Variants in DENND1A observed in about 807,000 individuals in gnomAD.
DENND1A encodes the protein DENN domain-containing protein 1A.
In DENND1A, 51 loss-of-function variants were observed where a neutral mutation model predicts 113.7. That is an observed-to-expected ratio of 0.45 (90% CI 0.36 to 0.57). The LOEUF (loss-of-function observed/expected upper bound fraction) is 0.57. DENND1A is among the 20% of genes least tolerant of loss of function. The pLI is 0.00. For synonymous variants in DENND1A, 565 were observed against 570.8 expected (o/e 0.99, Z 0.14); for missense variants, 1,258 against 1,395.9 (o/e 0.90, Z 1.57).
At chr9:123,741,655 T>C (rs2069034731) in intron 5 of DENND1A, among the ~76,000 whole-genome samples, 1 of 152,202 alleles carries the variant, frequency 6.6e-6, no homozygotes, top group Non-Finnish European at 1.5e-5. Flanking sequence ...GTCTCCTCAA[T>C]GAGTAAAATA....
intron 13 of DENND1A, among the ~76,000 whole-genome samples, chr9:123,523,973 C>G (rs1227709359): frequency 6.6e-6 from 1 of 152,184 alleles, no homozygotes. Flanking sequence ...AGAGCAGGCC[C>G]TTTTGTGCCT....
intron 19 of DENND1A, chr9:123,413,819 G>C: frequency 1.0e-6 from 1 of 985,244 alleles, no homozygotes. Context: ...GTGGGGGAAA[G>C]GGGAACAGCC....
chr9:123,537,660 G>C (rs181642793), intron 13 of DENND1A, among the ~76,000 whole-genome samples: 1 of 150,226 alleles, frequency 6.7e-6, no homozygotes, highest in Non-Finnish European at 1.5e-5. Flanking sequence ...AAAAACTCTT[G>C]GGCATGTAGT....
At chr9:123,903,061 G>A (rs1025062647) in intron 1 of DENND1A, among the ~76,000 whole-genome samples, 7 of 152,074 alleles carry the variant, frequency 4.6e-5, no homozygotes, top group East Asian at 1.9e-4. Context: ...GGCCGGGCGC[G>A]GTGGCTCACA....
In DENND1A at chr9:123,540,762, C is replaced by G. The variant is rs1024679021; in HGVS notation, c.993+16808G>C. Reference sequence around the variant, plus strand: ...GTACGGCAAAAATGTTTTCTGTACCCCAGGAATGCAAAGTCACCACCCTGA... The same window carrying G: ...GTACGGCAAAAATGTTTTCTGTACCGCAGGAATGCAAAGTCACCACCCTGA... On this transcript the variant is annotated intron_variant, in intron 13 of 23. Coordinates refer to ENST00000394215, the MANE Select transcript of DENND1A (RefSeq NM_001352964.2). Among the ~76,000 whole-genome samples the G allele has an allele frequency of 3.3e-5, 5 of 152,218 alleles. No homozygotes were observed. In the South Asian group the frequency reaches 1.0e-3, roughly 32 times the overall value.
chr9:123,708,380 C>T (rs1361439323), intron 5 of DENND1A, among the ~76,000 whole-genome samples: 3 of 152,042 alleles, frequency 2.0e-5, no homozygotes, highest in Non-Finnish European at 2.9e-5. Context: ...AGGAAACCTG[C>T]ATTATACCTA....
intron 9 of DENND1A, among the ~76,000 whole-genome samples, chr9:123,646,348 C>T (rs890812994): frequency 6.6e-6 from 1 of 152,044 alleles, no homozygotes; most frequent in African/African-American, 2.4e-5. Flanking sequence ...AGGTAACTCT[C>T]TTGAGGAATT....
At chr9:123,908,745 T>C (rs886092803) in intron 1 of DENND1A, among the ~76,000 whole-genome samples, 1 of 151,826 alleles carries the variant, frequency 6.6e-6, no homozygotes, top group Non-Finnish European at 1.5e-5. Flanking sequence ...TTTACACTGT[T>C]GGTGGGACTG....
chr9:123,609,623 T>C, intron 10 of DENND1A, 142 bp from the exon 11 acceptor site: 2 of 978,388 alleles, frequency 2.0e-6, no homozygotes, highest in Admixed American at 3.1e-5. Flanking sequence ...AAAATCCTAA[T>C]ATGACATTTT....
chr9:123,733,632 T>C (rs2068344302), intron 5 of DENND1A, among the ~76,000 whole-genome samples: 1 of 151,724 alleles, frequency 6.6e-6, no homozygotes. Flanking sequence ...TTTTTATTCC[T>C]GAATGTTACT....
chr9:123,792,594 C>T lies in DENND1A; in HGVS notation c.125G>A (p.Ser42Asn), dbSNP rs1408807712. 9.9e-6 allele frequency: 16 copies of T among 1,612,786 alleles called. No homozygotes were observed. Among genetic ancestry groups the T allele is most frequent in the Non-Finnish European group, 1.4e-5 (16 of 1,179,314 alleles). ...EVQRQFPEDYSDQEVLQTLTK... is the reference protein window; with the variant it reads ...EVQRQFPEDYNDQEVLQTLTK... ...TAATTACGCATTCCGAACCTGGTCA[C>T]TGTAGTCCTCCGGGAATTGCCTCTG... The change falls in exon 3 of 24, where the codon AGT (serine) becomes AAT (asparagine). Residue 42 changes from serine to asparagine, a missense_variant. Physicochemically the swap from Ser to Asn is conservative, Grantham distance 46. Coordinates refer to ENST00000394215, the MANE Select transcript of DENND1A (RefSeq NM_001352964.2).
chr9:123,568,950 A>C (rs896000324), intron 12 of DENND1A, among the ~76,000 whole-genome samples: 5 of 152,250 alleles, frequency 3.3e-5, no homozygotes, highest in Non-Finnish European at 7.3e-5. Context: ...TTGCAAAGAA[A>C]AGCATCTGCT....
At chr9:123,602,059 G>C (rs1478166989) in intron 11 of DENND1A, among the ~76,000 whole-genome samples, 1 of 152,222 alleles carries the variant, frequency 6.6e-6, no homozygotes, top group Non-Finnish European at 1.5e-5. Flanking sequence ...ACCCCTTGCA[G>C]CTGAAGGCCT....
intron 22 of DENND1A, among the ~76,000 whole-genome samples, chr9:123,386,492 GTGCCTCAGCCTCC>G (rs2042571738): frequency 6.6e-6 from 1 of 150,604 alleles, no homozygotes; most frequent in South Asian, 2.1e-4. Context: ...AGTGATTCTC[GTGCCTCAGCCTCC>G]TGAGTAGCTG....
intron 5 of DENND1A, among the ~76,000 whole-genome samples, chr9:123,734,374 G>A (rs1173750124): frequency 1.3e-5 from 2 of 151,944 alleles, no homozygotes; most frequent in African/African-American, 4.8e-5. Flanking sequence ...GTTCAATATT[G>A]CAACTAATTG....
intron 1 of DENND1A, among the ~76,000 whole-genome samples, chr9:123,903,383 C>T (rs1019144978): frequency 7.3e-6 from 1 of 136,890 alleles, no homozygotes; most frequent in African/African-American, 2.8e-5. Flanking sequence ...GATGGCCGAA[C>T]AGGAACAGCC....
At chr9:123,649,423 C>T (rs766672001) in intron 9 of DENND1A, among the ~76,000 whole-genome samples, 1 of 152,086 alleles carries the variant, frequency 6.6e-6, no homozygotes, top group Non-Finnish European at 1.5e-5. Context: ...TGTTGAATGT[C>T]AAGGTTATAC....
At chr9:123,403,563 T>C (rs141024935) in intron 20 of DENND1A, 73 bp from the exon 21 acceptor site, 37,841 of 1,395,812 alleles carry the variant, frequency 0.027, 742 homozygotes, top group Non-Finnish European at 0.03. Context: ...TTCTGAACAT[T>C]TGGATAAACG....
chr9:123,516,884 C>CAAAAAAAAAAAA (rs546001517), intron 13 of DENND1A, among the ~76,000 whole-genome samples: 161 of 93,308 alleles, frequency 1.7e-3, no homozygotes, highest in African/African-American at 2.2e-3. Context: ...GACTCTGTCT[C>CAAAAAAAAAAAA]AAAAAAAAAA....
Sources: gnomAD v4.1 joint callset for allele counts (sites outside exome capture counted in the v4.1 genomes callset) on GRCh38, gnomAD v4.1.1 for gene constraint, MANE v1.5 for transcripts, NCBI Gene and HGNC (gene_info 2026-07-23, HGNC 2026-07-21) for gene names.